Variants in TBC1D12 observed in about 807,000 individuals in gnomAD.
The protein encoded by TBC1D12 is TBC1 domain family member 12, also known as TBC1 domain family, member 12.
A neutral mutation model predicts 86.7 loss-of-function variants in TBC1D12; 56 were observed. The ratio of observed to expected loss-of-function variants is 0.65; its 90% confidence interval spans 0.52 to 0.81. The LOEUF (loss-of-function observed/expected upper bound fraction) is 0.81, where lower values mean the gene tolerates loss of function less well. Among genes scored for constraint, TBC1D12 ranks in the 30% least tolerant of loss-of-function variants. The pLI, the probability that TBC1D12 is intolerant of heterozygous loss-of-function variation, is 0.00. For missense variants in TBC1D12, 1,023 were observed against 1,038.8 expected (o/e 0.98, Z 0.21); for synonymous variants, 421 against 411.7 (o/e 1.02, Z -0.27).
intron 2 of TBC1D12, among the ~76,000 whole-genome samples, chr10:94,454,531 T>G (rs2055597654): frequency 6.6e-6 from 1 of 152,212 alleles, no homozygotes. Flanking sequence ...ATCATAAACA[T>G]GGAATATCTC....
intron 1 of TBC1D12, among the ~76,000 whole-genome samples, chr10:94,426,265 C>A (rs2055145062): frequency 6.6e-6 from 1 of 152,062 alleles, no homozygotes; most frequent in Non-Finnish European, 1.5e-5. Context: ...AATGTTTCAC[C>A]ATCATTAAGT....
chr10:94,522,565 C>G (rs1205910595), intron 11 of TBC1D12, 112 bp downstream of exon 11: 4 of 491,080 alleles, frequency 8.1e-6, no homozygotes, highest in Non-Finnish European at 1.4e-5. Flanking sequence ...ATATAAAGAG[C>G]CTTCTTTTAC....
intron 2 of TBC1D12, among the ~76,000 whole-genome samples, chr10:94,452,298 T>G (rs2055562616): frequency 6.6e-6 from 1 of 152,008 alleles, no homozygotes; most frequent in African/African-American, 2.4e-5. Context: ...ACACAGTCAC[T>G]CAAAGTCCAT....
intron 2 of TBC1D12, among the ~76,000 whole-genome samples, chr10:94,469,409 C>T (rs1931757): frequency 0.69 from 102,390 of 149,364 alleles, 35,620 homozygotes; most frequent in African/African-American, 0.82. Context: ...CAGCTGAAGA[C>T]TCAAGAATAC....
intron 2 of TBC1D12, among the ~76,000 whole-genome samples, chr10:94,447,949 G>C (rs1204176688): frequency 6.7e-6 from 1 of 149,228 alleles, no homozygotes; most frequent in Non-Finnish European, 1.5e-5. Flanking sequence ...ACCTTTTTTT[G>C]CTAGGCACTG....
intron 6 of TBC1D12, 116 bp downstream of exon 6, chr10:94,500,443 T>C (rs1589661165): frequency 1.5e-6 from 1 of 683,432 alleles, no homozygotes; most frequent in Admixed American, 3.6e-5. Context: ...ATAATGTCAT[T>C]TTAAAAGCAT....
chr10:94,417,190 G>A (rs1247714824), intron 1 of TBC1D12, among the ~76,000 whole-genome samples: 1 of 152,174 alleles, frequency 6.6e-6, no homozygotes, highest in Admixed American at 6.6e-5. Flanking sequence ...GATAGTTATG[G>A]TAGTTTATGG....
At chr10:94,493,475 A>C in intron 4 of TBC1D12, 28 bp downstream of exon 4, 1 of 1,490,230 alleles carries the variant, frequency 6.7e-7, no homozygotes, top group Non-Finnish European at 9.3e-7. Flanking sequence ...AAATGGTATA[A>C]TTTTCTGATT....
At chr10:94,530,424 G>A (rs1031843592) in intron 11 of TBC1D12, among the ~76,000 whole-genome samples, 2 of 152,170 alleles carry the variant, frequency 1.3e-5, no homozygotes, top group East Asian at 3.9e-4. Flanking sequence ...AAGGGGAAGA[G>A]AAAAGAGAGA....
intron 2 of TBC1D12, among the ~76,000 whole-genome samples, chr10:94,443,523 C>T (rs113852686): frequency 1.8e-4 from 27 of 152,146 alleles, no homozygotes; most frequent in African/African-American, 6.0e-4. Context: ...TGCTGTGATC[C>T]CCAAGCCATG....
intron 9 of TBC1D12, among the ~76,000 whole-genome samples, chr10:94,517,058 TA>T (rs1174769543): frequency 6.6e-6 from 1 of 151,924 alleles, no homozygotes; most frequent in African/African-American, 2.4e-5. Flanking sequence ...CACTAGACTT[TA>T]AAAAAAGAAA....
At chr10:94,529,957 T>A (rs1290549561) in intron 11 of TBC1D12, among the ~76,000 whole-genome samples, 2 of 152,200 alleles carry the variant, frequency 1.3e-5, no homozygotes, top group African/African-American at 4.8e-5. Context: ...ATTAAATACG[T>A]GTTTGTAATT....
intron 1 of TBC1D12, among the ~76,000 whole-genome samples, chr10:94,417,875 G>A (rs1408984036): frequency 8.5e-6 from 1 of 116,980 alleles, no homozygotes; most frequent in Admixed American, 8.0e-5. Flanking sequence ...CACGCCTCCC[G>A]AGTAGCTGGA....
chr10:94,493,988 A>C (rs1235239418), intron 4 of TBC1D12, among the ~76,000 whole-genome samples: 1 of 151,678 alleles, frequency 6.6e-6, no homozygotes, highest in Non-Finnish European at 1.5e-5. Context: ...ATATTTTATA[A>C]TTAATTTCTA....
chr10:94,513,686 C>T (rs1356760634), intron 9 of TBC1D12, among the ~76,000 whole-genome samples: 1 of 151,988 alleles, frequency 6.6e-6, no homozygotes, highest in Non-Finnish European at 1.5e-5. Context: ...ATCTCAGCCT[C>T]CCAGGTAGCT....
chr10:94,511,918 T>C (rs2056533022), intron 9 of TBC1D12, among the ~76,000 whole-genome samples: 1 of 152,202 alleles, frequency 6.6e-6, no homozygotes, highest in South Asian at 2.1e-4. Context: ...ATCAGTGTGA[T>C]GCCTTGTCCC....
chr10:94,442,610 T>A (rs2055398032), intron 2 of TBC1D12, among the ~76,000 whole-genome samples: 1 of 152,228 alleles, frequency 6.6e-6, no homozygotes, highest in Non-Finnish European at 1.5e-5. Context: ...ATTTGACTTC[T>A]GAACTTTGGC....
chr10:94,421,645 C>T (rs2055075611), intron 1 of TBC1D12, among the ~76,000 whole-genome samples: 2 of 152,136 alleles, frequency 1.3e-5, no homozygotes. Flanking sequence ...ATTTTACATT[C>T]CCACTAGCAA....
chr10:94,406,086 C>T (rs1424690314), intron 1 of TBC1D12, among the ~76,000 whole-genome samples: 4 of 152,224 alleles, frequency 2.6e-5, no homozygotes, highest in Non-Finnish European at 5.9e-5. Flanking sequence ...GCTGGGATTA[C>T]AGGTGTGAAC....
Sources: allele counts gnomAD v4.1 joint callset (sites outside exome capture counted in the v4.1 genomes callset), GRCh38; gene constraint gnomAD v4.1.1; transcripts MANE v1.5; gene names NCBI Gene and HGNC (gene_info 2026-07-23, HGNC 2026-07-21).